Variants in DOK6 observed in about 807,000 individuals in gnomAD.
DOK6 encodes the protein downstream of tyrosine kinase 6.
Under a neutral mutation model 44.0 loss-of-function variants are expected in DOK6, and 22 were observed. The observed-to-expected ratio is 0.50, with a 90% CI of 0.36 to 0.71. The LOEUF is 0.71. Ranked by LOEUF, DOK6 falls within the 30% of genes least tolerant of loss-of-function variation. DOK6 has a pLI of 0.00. For synonymous variants in DOK6, 166 were observed against 145.5 expected, an observed-to-expected ratio of 1.14 and a Z score of -1.01; for missense variants, 340 against 416.4, an observed-to-expected ratio of 0.82 and a Z score of 1.60.
intron 2 of DOK6, among the ~76,000 whole-genome samples, chr18:69,575,549 T>G (rs545440754): frequency 6.6e-6 from 1 of 152,144 alleles, no homozygotes; most frequent in East Asian, 1.9e-4. Context: ...CCGAGATTAT[T>G]GAGAGCTACA....
chr18:69,546,180 G>A (rs2144584620), intron 1 of DOK6, among the ~76,000 whole-genome samples: 1 of 150,904 alleles, frequency 6.6e-6, no homozygotes, highest in South Asian at 2.1e-4. Flanking sequence ...GGGAGGCTGA[G>A]GCAGAAGAAT....
At chr18:69,660,073 C>A (rs3731) in intron 3 of DOK6, 30,191 of 148,830 alleles carry the variant, frequency 0.2, 3,332 homozygotes, top group Non-Finnish European at 0.23. Flanking sequence ...CTCTGCTGCA[C>A]CCTCTGTCTC....
intron 6 of DOK6, among the ~76,000 whole-genome samples, chr18:69,751,939 T>A (rs1979193821): frequency 6.6e-6 from 1 of 152,174 alleles, no homozygotes; most frequent in Non-Finnish European, 1.5e-5. Context: ...AATTTACAAT[T>A]ATATAATTTT....
intron 2 of DOK6, among the ~76,000 whole-genome samples, chr18:69,568,760 G>A (rs1438167224): frequency 1.3e-5 from 2 of 152,048 alleles, no homozygotes; most frequent in African/African-American, 4.8e-5. Flanking sequence ...CAGATCGGTG[G>A]CAGCATTACA....
chr18:69,706,008 T>A (rs1986624917), intron 5 of DOK6, among the ~76,000 whole-genome samples: 1 of 151,970 alleles, frequency 6.6e-6, no homozygotes, highest in Non-Finnish European at 1.5e-5. Context: ...CAGGTACAAC[T>A]CAATACATGC....
intron 2 of DOK6, among the ~76,000 whole-genome samples, chr18:69,565,474 CGTGTGTGTGTGTGTGT>C (rs869115556): frequency 1.1e-5 from 1 of 87,580 alleles, no homozygotes; most frequent in African/African-American, 4.0e-5. Flanking sequence ...TCTGTCTCTA[CGTGTGTGTGTGTGTGT>C]GTGTGTGTGT....
At chr18:69,467,066 T>C (rs1374836589) in intron 1 of DOK6, among the ~76,000 whole-genome samples, 1 of 152,164 alleles carries the variant, frequency 6.6e-6, no homozygotes, top group Non-Finnish European at 1.5e-5. Flanking sequence ...CATTTTAACC[T>C]TAGTAAAATT....
intron 5 of DOK6, among the ~76,000 whole-genome samples, chr18:69,736,930 C>T (rs1399155877): frequency 6.6e-6 from 1 of 152,174 alleles, no homozygotes; most frequent in East Asian, 1.9e-4. Context: ...AGATTTAGAT[C>T]TGATGGTCTG....
At chr18:69,494,940 C>A (rs4891749) in intron 1 of DOK6, among the ~76,000 whole-genome samples, 68,710 of 152,032 alleles carry the variant, frequency 0.45, 15,964 homozygotes, top group African/African-American at 0.49. Flanking sequence ...CTACTCGGCT[C>A]ACACTACTGG....
chr18:69,518,215 T>C (rs1599169936), intron 1 of DOK6, among the ~76,000 whole-genome samples: 1 of 152,202 alleles, frequency 6.6e-6, no homozygotes, highest in Non-Finnish European at 1.5e-5. Flanking sequence ...TAAAGGAATC[T>C]ACTGGTAAAA....
chr18:69,736,955 G>A (rs1195617365), intron 5 of DOK6, among the ~76,000 whole-genome samples: 2 of 152,168 alleles, frequency 1.3e-5, no homozygotes, highest in African/African-American at 2.4e-5. Flanking sequence ...AGCTCCCAGG[G>A]AGGCAGATGC....
intron 1 of DOK6, among the ~76,000 whole-genome samples, chr18:69,405,352 G>A (rs145755171): frequency 1.3e-5 from 2 of 152,122 alleles, no homozygotes; most frequent in Non-Finnish European, 2.9e-5. Context: ...GGACACGGTG[G>A]CTCACGCCTG....
At chr18:69,683,545 CAAG>C (rs143622787) in intron 4 of DOK6, among the ~76,000 whole-genome samples, 1,815 of 152,246 alleles carry the variant, frequency 0.012, 41 homozygotes, top group African/African-American at 0.042. Flanking sequence ...TGAAGATGCA[CAAG>C]AAGATGGCCA....
chr18:69,722,064 G>C (rs995941771), intron 5 of DOK6, among the ~76,000 whole-genome samples: 6 of 152,028 alleles, frequency 3.9e-5, no homozygotes, highest in South Asian at 2.1e-4. Flanking sequence ...AAAAAGACGT[G>C]GTGTTATTTC....
intron 1 of DOK6, among the ~76,000 whole-genome samples, chr18:69,502,589 C>G (rs141266697): frequency 2.0e-3 from 300 of 152,182 alleles, no homozygotes; most frequent in African/African-American, 6.7e-3. Context: ...AGTAAAGTAT[C>G]AACCACGTGA....
chr18:69,702,926 G>A (rs527854345), intron 5 of DOK6, among the ~76,000 whole-genome samples: 4 of 152,286 alleles, frequency 2.6e-5, no homozygotes, highest in Non-Finnish European at 5.9e-5. Flanking sequence ...TCACGTTAAA[G>A]TATGTGTGGG....
intron 5 of DOK6, among the ~76,000 whole-genome samples, chr18:69,702,506 A>G (rs72965537): frequency 0.089 from 13,493 of 152,288 alleles, 712 homozygotes; most frequent in Non-Finnish European, 0.12. Context: ...CAGCAGCCAC[A>G]TCACTACCAC....
chr18:69,753,343 A>C lies in DOK6; in HGVS notation c.739-4413A>C, dbSNP rs572488403. ...GGTCTATTCTCATCAACTTGAGGAC[A>C]GCATAACTCTCATTTGTGTTATATT... On this transcript the variant is annotated intron_variant, in intron 6 of 7. Transcript: ENST00000382713. Among the ~76,000 whole-genome samples the C allele has an allele frequency of 4.5e-4, 69 of 152,300 alleles. No individual in the cohort carries two copies. In the South Asian group the frequency reaches 0.014, roughly 30 times the overall value.
intron 3 of DOK6, among the ~76,000 whole-genome samples, chr18:69,603,644 G>A (rs1005297578): frequency 2.0e-5 from 3 of 152,000 alleles, no homozygotes; most frequent in Non-Finnish European, 2.9e-5. Context: ...GGTGGCGGGC[G>A]CCTGTAGTCC....
Sources: gnomAD v4.1 joint callset for allele counts (sites outside exome capture counted in the v4.1 genomes callset) on GRCh38, gnomAD v4.1.1 for gene constraint, MANE v1.5 for transcripts, NCBI Gene and HGNC (gene_info 2026-07-23, HGNC 2026-07-21) for gene names.